The following PPP2R3A variants were observed in gnomAD, a reference collection of about 807,000 sequenced individuals.
The protein encoded by PPP2R3A is protein phosphatase 2 regulatory subunit B''alpha.
PPP2R3A carries 80 observed loss-of-function variants against 106.9 expected under a neutral mutation model. The observed-to-expected ratio is 0.75, with a 90% CI of 0.62 to 0.90. The LOEUF is 0.90. Among genes scored for constraint, PPP2R3A ranks in the 40% least tolerant of loss-of-function variants. The pLI, the probability that PPP2R3A is intolerant of heterozygous loss-of-function variation, is 0.00. For synonymous variants in PPP2R3A, 483 were observed against 468.3 expected (o/e 1.03, Z -0.41); for missense variants, 1,386 against 1,350.4 (o/e 1.03, Z -0.41).
At chr3:136,056,772 C>A (rs1935876431) in intron 5 of PPP2R3A, among the ~76,000 whole-genome samples, 3 of 151,854 alleles carry the variant, frequency 2.0e-5, no homozygotes, top group Admixed American at 6.6e-5. Flanking sequence ...AGGAAATAAT[C>A]AACAGAGTGA....
intron 13 of PPP2R3A, among the ~76,000 whole-genome samples, chr3:136,143,264 GGATC>G (rs1938950087): frequency 1.3e-5 from 2 of 152,236 alleles, no homozygotes; most frequent in African/African-American, 4.8e-5. Context: ...TGATGGGGGT[GGATC>G]ACCTGAGGTC....
At chr3:136,043,325 G>A (rs576653532) in intron 4 of PPP2R3A, among the ~76,000 whole-genome samples, 18 of 152,214 alleles carry the variant, frequency 1.2e-4, no homozygotes, top group African/African-American at 4.3e-4. Context: ...CAGGCAAGAT[G>A]GCGGGCACCT....
chr3:136,013,119 A>G (rs1934140470), intron 2 of PPP2R3A, among the ~76,000 whole-genome samples: 1 of 150,772 alleles, frequency 6.6e-6, no homozygotes, highest in African/African-American at 2.5e-5. Flanking sequence ...TGCGAATGCC[A>G]TTATTTCATT....
At chr3:136,024,888 A>ATAG (rs1333143422) in intron 2 of PPP2R3A, among the ~76,000 whole-genome samples, 1 of 152,180 alleles carries the variant, frequency 6.6e-6, no homozygotes, top group African/African-American at 2.4e-5. Flanking sequence ...AATAATAATA[A>ATAG]TTTATTGACT....
chr3:136,035,827 C>T (rs533640919), intron 3 of PPP2R3A, among the ~76,000 whole-genome samples: 1 of 152,282 alleles, frequency 6.6e-6, no homozygotes, highest in East Asian at 1.9e-4. Context: ...GTTTTCCAAA[C>T]TTTAAATTTC....
At chr3:136,105,975 G>A (rs1166159118) in intron 12 of PPP2R3A, among the ~76,000 whole-genome samples, 3 of 151,462 alleles carry the variant, frequency 2.0e-5, no homozygotes, top group Non-Finnish European at 2.9e-5. Flanking sequence ...GAAAAAAAAA[G>A]AAAAAAGAAA....
At chr3:136,054,837 T>C (rs1368907081) in intron 5 of PPP2R3A, among the ~76,000 whole-genome samples, 1 of 152,230 alleles carries the variant, frequency 6.6e-6, no homozygotes, top group Non-Finnish European at 1.5e-5. Context: ...ATAGCTGCTG[T>C]GTGTTTAGTC....
intron 2 of PPP2R3A, among the ~76,000 whole-genome samples, chr3:136,025,968 A>G (rs1344387006): frequency 3.9e-5 from 6 of 152,172 alleles, no homozygotes; most frequent in Non-Finnish European, 8.8e-5. Flanking sequence ...TACCTGAATA[A>G]TGGTGTACCT....
chr3:136,002,735 G>C lies in PPP2R3A; in HGVS notation c.1237G>C (p.Glu413Gln), dbSNP rs1377160386. The C allele has an allele frequency of 6.2e-7, 1 of 1,612,748 alleles. No individual in the cohort carries two copies. Among genetic ancestry groups the C allele is most frequent in the Non-Finnish European group, 8.5e-7 (1 of 1,179,578 alleles). Residue 413 changes from glutamate to glutamine, a missense_variant, in exon 2 of 14, where the codon GAA (glutamate) becomes CAA (glutamine). Physicochemically the swap from Glu to Gln is conservative, Grantham distance 29. Coordinates refer to ENST00000264977, the MANE Select transcript of PPP2R3A (RefSeq NM_002718.5). Reference protein sequence around the residue: ...LENVSSDDLMETLYIEEESDG... With the variant: ...LENVSSDDLMQTLYIEEESDG... The stretch of plus-strand genomic sequence containing the variant: ...AAATGTTTCTTCTGACGACTTAATG[G>C]AAACTCTTTATATTGAAGAAGAGTC...
intron 6 of PPP2R3A, among the ~76,000 whole-genome samples, chr3:136,073,986 CAT>C (rs1936520978): frequency 6.6e-6 from 1 of 152,192 alleles, no homozygotes; most frequent in African/African-American, 2.4e-5. Context: ...TTCTAAGAAA[CAT>C]ATAAAGATCA....
intron 9 of PPP2R3A, 22 bp downstream of exon 9, chr3:136,087,953 T>C (rs762028899): frequency 8.3e-6 from 13 of 1,574,418 alleles, no homozygotes; most frequent in Admixed American, 1.7e-5. Flanking sequence ...TTTAATGCTG[T>C]GTTTAAAAAT....
intron 13 of PPP2R3A, among the ~76,000 whole-genome samples, chr3:136,140,454 A>AAAAAAAC (rs1378841038): frequency 6.9e-6 from 1 of 145,288 alleles, no homozygotes; most frequent in African/African-American, 2.8e-5. Flanking sequence ...AAAAAAAAAA[A>AAAAAAAC]AAAAAAAAAA....
chr3:136,082,488 T>G (rs951653107), intron 8 of PPP2R3A, 67 bp downstream of exon 8: 3 of 1,532,990 alleles, frequency 2.0e-6, no homozygotes, highest in Non-Finnish European at 2.7e-6. Flanking sequence ...CACTACTCAT[T>G]ATGAGAAATT....
intron 4 of PPP2R3A, among the ~76,000 whole-genome samples, chr3:136,045,966 A>C (rs1355860518): frequency 6.6e-6 from 1 of 150,798 alleles, no homozygotes; most frequent in Admixed American, 6.6e-5. Flanking sequence ...GTAAGATTGC[A>C]TGAGCCTAGG....
chr3:136,003,493 G>A lies in PPP2R3A; in HGVS notation c.1995G>A (p.Lys665=), dbSNP rs1559863470. 3.2e-6 allele frequency: 5 copies of A among 1,566,076 alleles called. No homozygotes were observed. Among genetic ancestry groups the A allele is most frequent in the South Asian group, 1.2e-5 (1 of 83,276 alleles). The change falls in exon 2 of 14, where the codon AAG becomes AAA. Residue 665 remains lysine, a splice_region_variant and synonymous_variant. Coordinates refer to ENST00000264977, the MANE Select transcript of PPP2R3A (RefSeq NM_002718.5). ...TTCAGCAGACTCCAGAGGTGATCAA[G>A]GTAAGACCCAACAATTTTGAGTCCT... ...VLIQQTPEVI[K]IQNKPEKKPG...
In PPP2R3A at chr3:136,049,267, A is replaced by G. The variant is rs1042865405; in HGVS notation, c.2375A>G (p.Asn792Ser). The G allele has an allele frequency of 8.1e-6, 13 of 1,611,838 alleles. No homozygotes were observed. The highest frequency in any genetic ancestry group is 1.1e-5 in the Non-Finnish European group (13 of 1,178,652). Residue 792 changes from asparagine to serine, a missense_variant, in exon 5 of 14, where the codon AAT becomes AGT. Transcript: ENST00000264977. ...AGTTGTTTCTTTTATAGGTTGCTGA[A>G]TAACCATCATGATGATGCCTCTAAA... ...SFIAMWRKLL[N>S]NHHDDASKFI...
chr3:136,068,005 G>A (rs987096367), intron 5 of PPP2R3A, among the ~76,000 whole-genome samples: 11 of 152,142 alleles, frequency 7.2e-5, no homozygotes, highest in Admixed American at 6.5e-5. Context: ...CAGGCAGATC[G>A]CTTGAGCCCA....
chr3:136,052,893 G>A (rs1308920849), intron 5 of PPP2R3A, among the ~76,000 whole-genome samples: 1 of 152,106 alleles, frequency 6.6e-6, no homozygotes, highest in Non-Finnish European at 1.5e-5. Flanking sequence ...ATAAATCCAC[G>A]GAAGCCAATG....
At chr3:135,999,829 A>C (rs944269971) in intron 1 of PPP2R3A, among the ~76,000 whole-genome samples, 1 of 151,918 alleles carries the variant, frequency 6.6e-6, no homozygotes, top group African/African-American at 2.4e-5. Flanking sequence ...GCTGGAGTGC[A>C]GTGGCGTGAT....
Sources: allele counts gnomAD v4.1 joint callset (sites outside exome capture counted in the v4.1 genomes callset), GRCh38; gene constraint gnomAD v4.1.1; transcripts MANE v1.5; gene names NCBI Gene and HGNC (gene_info 2026-07-23, HGNC 2026-07-21).